Variants in ARHGAP18 observed in about 807,000 individuals in gnomAD.
ARHGAP18 encodes Rho GTPase activating protein 18, also known as rho GTPase-activating protein 18.
Under a neutral mutation model 86.2 loss-of-function variants are expected in ARHGAP18, and 67 were observed. That is an observed-to-expected ratio of 0.78 (90% CI 0.64 to 0.95). The LOEUF (loss-of-function observed/expected upper bound fraction) is 0.95, where lower values mean the gene tolerates loss of function less well. Among genes scored for constraint, ARHGAP18 ranks in the 40% least tolerant of loss-of-function variants. ARHGAP18 has a pLI of 0.00. For synonymous variants in ARHGAP18, 283 were observed against 280.4 expected, an observed-to-expected ratio of 1.01 and a Z score of -0.09; for missense variants, 691 against 780.4, an observed-to-expected ratio of 0.89 and a Z score of 1.37.
At chr6:129,703,831 G>A (rs1433312728) in intron 1 of ARHGAP18, among the ~76,000 whole-genome samples, 1 of 152,194 alleles carries the variant, frequency 6.6e-6, no homozygotes, top group Non-Finnish European at 1.5e-5. Flanking sequence ...CCCATGGACA[G>A]GTTTAAATCC....
chr6:129,599,761 T>C (rs1788699225), intron 11 of ARHGAP18, among the ~76,000 whole-genome samples: 1 of 152,096 alleles, frequency 6.6e-6, no homozygotes, highest in Non-Finnish European at 1.5e-5. Context: ...AATAACCAGC[T>C]AGCCGCTGCT....
intron 1 of ARHGAP18, among the ~76,000 whole-genome samples, chr6:129,702,261 C>G (rs1198834450): frequency 6.6e-6 from 1 of 152,152 alleles, no homozygotes; most frequent in Non-Finnish European, 1.5e-5. Context: ...ACTTGGCCAG[C>G]TCACAGCAAC....
chr6:129,647,218 G>GCAT (rs1033796145), intron 1 of ARHGAP18, among the ~76,000 whole-genome samples: 1 of 152,054 alleles, frequency 6.6e-6, no homozygotes, highest in African/African-American at 2.4e-5. Flanking sequence ...TTCTCTCTGG[G>GCAT]CATCCCCTTT....
chr6:129,678,651 C>CA, intron 1 of ARHGAP18, among the ~76,000 whole-genome samples: 1 of 152,250 alleles, frequency 6.6e-6, no homozygotes, highest in South Asian at 2.1e-4. Context: ...CAAAAACAAA[C>CA]AAACAAAAAA....
At chr6:129,625,932 A>G (rs1205228281) in intron 5 of ARHGAP18, among the ~76,000 whole-genome samples, 16 of 100,716 alleles carry the variant, frequency 1.6e-4, no homozygotes, top group African/African-American at 6.2e-4. Flanking sequence ...ATATTTATAT[A>G]TTATATATTA....
At chr6:129,622,727 A>C (rs1000427903) in intron 5 of ARHGAP18, among the ~76,000 whole-genome samples, 9 of 151,616 alleles carry the variant, frequency 5.9e-5, no homozygotes, top group Non-Finnish European at 1.3e-4. Flanking sequence ...AAGACTGGGC[A>C]TGGTGGCTCA....
intron 1 of ARHGAP18, among the ~76,000 whole-genome samples, chr6:129,695,955 A>G (rs1474105362): frequency 6.6e-6 from 1 of 152,184 alleles, no homozygotes; most frequent in African/African-American, 2.4e-5. Flanking sequence ...AGATTTTAGT[A>G]ATAAGTATAG....
At chr6:129,615,080 C>A (rs1039424300) in intron 7 of ARHGAP18, among the ~76,000 whole-genome samples, 5 of 152,142 alleles carry the variant, frequency 3.3e-5, no homozygotes, top group African/African-American at 1.2e-4. Context: ...TAAATATATC[C>A]TATTGCTTCT....
chr6:129,650,829 C>T (rs979838325), intron 1 of ARHGAP18, among the ~76,000 whole-genome samples: 35 of 152,270 alleles, frequency 2.3e-4, no homozygotes, highest in Middle Eastern at 3.4e-3. Context: ...GGAGCATAGG[C>T]TCTCCAGTTT....
chr6:129,637,852 A>G (rs955381721), intron 3 of ARHGAP18, among the ~76,000 whole-genome samples: 2 of 152,138 alleles, frequency 1.3e-5, no homozygotes, highest in African/African-American at 4.8e-5. Context: ...TCTTTACCCA[A>G]TTAAATTCTG....
At chr6:129,637,920 T>C (rs1773367379) in intron 3 of ARHGAP18, among the ~76,000 whole-genome samples, 1 of 152,238 alleles carries the variant, frequency 6.6e-6, no homozygotes, top group African/African-American at 2.4e-5. Flanking sequence ...AGTTACTTCA[T>C]GTCTCAAAGT....
chr6:129,665,815 G>A (rs2114522907), intron 1 of ARHGAP18, among the ~76,000 whole-genome samples: 1 of 152,182 alleles, frequency 6.6e-6, no homozygotes, highest in East Asian at 1.9e-4. Flanking sequence ...ACCTGTGAAT[G>A]AGAGACCAAT....
chr6:129,625,077 TATATG>T lies in ARHGAP18; in HGVS notation c.786+4271_786+4275del, dbSNP rs1168025116. On this transcript the variant is annotated intron_variant, in intron 5 of 14. Transcript: ENST00000368149. ...GATTGATATATATTTATATATAATA[TATATG>T]ATATATGATATATGATATATATTAT... is the stretch of plus-strand genomic sequence containing the variant. Among the ~76,000 whole-genome samples, 13 of 102,452 alleles carry T rather than the reference TATATG, an allele frequency of 1.3e-4. 2 individuals carry two copies. Among genetic ancestry groups the T allele is most frequent in the Admixed American group, 5.8e-4 (4 of 6,944 alleles). The allele number at this position is 102,452 out of a possible 152,430, so 67.2% of individuals were successfully genotyped here.
At chr6:129,702,333 G>T (rs1389268976) in intron 1 of ARHGAP18, among the ~76,000 whole-genome samples, 1 of 152,100 alleles carries the variant, frequency 6.6e-6, no homozygotes, top group Non-Finnish European at 1.5e-5. Flanking sequence ...CGTTCCTCCT[G>T]CCCTAATCCA....
chr6:129,626,031 T>C (rs1261459580), intron 5 of ARHGAP18, among the ~76,000 whole-genome samples: 1 of 115,654 alleles, frequency 8.6e-6, no homozygotes, highest in Non-Finnish European at 1.7e-5. Context: ...TATAGCTATC[T>C]ATATATATAC....
chr6:129,599,252 T>A lies in ARHGAP18; in HGVS notation c.1677A>T (p.Arg559=). 1 of 1,587,420 alleles carries A rather than the reference T, an allele frequency of 6.3e-7. No individual in the cohort carries two copies. Residue 559 remains arginine, a synonymous_variant, in exon 12 of 15, where the codon CGA becomes CGT. Coordinates refer to ENST00000368149, the MANE Select transcript of ARHGAP18 (RefSeq NM_033515.3). ...KKLLKKMAYD[R]EKYEKQDKST... ...TCTTATCTTGCTTTTCATATTTTTC[T>A]CGGTCATAAGCCATTTTCTTCAGCA...
chr6:129,583,234 A>T (rs1327337487), intron 13 of ARHGAP18, among the ~76,000 whole-genome samples: 1 of 152,202 alleles, frequency 6.6e-6, no homozygotes, highest in Non-Finnish European at 1.5e-5. Context: ...AGTGACTGAA[A>T]ATGAGGCTGG....
At chr6:129,677,878 C>G (rs981706052) in intron 1 of ARHGAP18, among the ~76,000 whole-genome samples, 1 of 152,210 alleles carries the variant, frequency 6.6e-6, no homozygotes, top group African/African-American at 2.4e-5. Context: ...ACTCCCACCA[C>G]TGGCTGGTAT....
At chr6:129,679,188 T>C (rs1774283181) in intron 1 of ARHGAP18, among the ~76,000 whole-genome samples, 1 of 152,236 alleles carries the variant, frequency 6.6e-6, no homozygotes, top group Admixed American at 6.5e-5. Flanking sequence ...ATCTGATTTG[T>C]CCTAATTTGC....
Sources: gnomAD v4.1 joint callset for allele counts (sites outside exome capture counted in the v4.1 genomes callset) on GRCh38, gnomAD v4.1.1 for gene constraint, MANE v1.5 for transcripts, NCBI Gene and HGNC (gene_info 2026-07-23, HGNC 2026-07-21) for gene names.